Variants in HACD2 observed in about 807,000 individuals in gnomAD.
The protein encoded by HACD2 is 3-hydroxyacyl-CoA dehydratase 2.
HACD2 carries 15 observed loss-of-function variants against 31.0 expected under a neutral mutation model. That is an observed-to-expected ratio of 0.48 (90% CI 0.32 to 0.75). The LOEUF is 0.75. Among genes scored for constraint, HACD2 ranks in the 30% least tolerant of loss-of-function variants. HACD2 has a pLI of 0.03. For synonymous variants in HACD2, 115 were observed against 122.2 expected, an observed-to-expected ratio of 0.94 and a Z score of 0.39; for missense variants, 283 against 313.0, an observed-to-expected ratio of 0.90 and a Z score of 0.72.
intron 3 of HACD2, among the ~76,000 whole-genome samples, chr3:123,541,281 T>C (rs761979519): frequency 6.6e-6 from 1 of 152,094 alleles, no homozygotes; most frequent in Non-Finnish European, 1.5e-5. Flanking sequence ...AAAAAAAAGC[T>C]AAACCCAACC....
At chr3:123,527,303 C>T (rs190851972) in intron 4 of HACD2, among the ~76,000 whole-genome samples, 1 of 152,294 alleles carries the variant, frequency 6.6e-6, no homozygotes, top group African/African-American at 2.4e-5. Flanking sequence ...ACCTGGTCAA[C>T]CACAGTCCAA....
intron 4 of HACD2, among the ~76,000 whole-genome samples, chr3:123,522,986 C>T (rs1476254999): frequency 1.3e-5 from 2 of 152,158 alleles, no homozygotes; most frequent in African/African-American, 4.8e-5. Context: ...TAAGAAGCTG[C>T]CTTTCTGCCT....
chr3:123,516,639 A>T, intron 4 of HACD2, among the ~76,000 whole-genome samples: 1 of 152,212 alleles, frequency 6.6e-6, no homozygotes, highest in Non-Finnish European at 1.5e-5. Flanking sequence ...ATAATGGACT[A>T]GTTAAATGTT....
Position 123,584,899 on chromosome 3 carries a change from G to A in HACD2, c.129C>T (p.Val43=). Residue 43 remains valine (V), a synonymous_variant, in exon 1 of 7, where the codon GTC becomes GTT. Transcript: ENST00000383657. Reference sequence around the variant, plus strand: ...CGGCTGTCATCACCACATTGTAGATGACCAGGTACGCCGTGGCCAGGGGCC... The same window carrying A: ...CGGCTGTCATCACCACATTGTAGATAACCAGGTACGCCGTGGCCAGGGGCC... ...GPGPLATAYL[V]IYNVVMTAGW... 6.6e-7 allele frequency: 1 copy of A among 1,525,928 alleles called. No individual in the cohort carries two copies. The highest frequency in any genetic ancestry group is 8.8e-7 in the Non-Finnish European group (1 of 1,136,564). 94.5% of individuals were successfully genotyped at this position (1,525,928 alleles called of 1,614,324 possible). A position where few individuals can be genotyped will look rare whatever the true frequency, so the allele number is the denominator to read the frequency against.
chr3:123,556,861 T>C (rs1380531698), intron 3 of HACD2, among the ~76,000 whole-genome samples: 1 of 152,200 alleles, frequency 6.6e-6, no homozygotes, highest in Non-Finnish European at 1.5e-5. Flanking sequence ...CCATAGCATT[T>C]GTCATTAGAG....
chr3:123,524,559 A>G (rs1174842838), intron 4 of HACD2, among the ~76,000 whole-genome samples: 2 of 152,212 alleles, frequency 1.3e-5, no homozygotes, highest in Non-Finnish European at 2.9e-5. Context: ...GCATGGTGGA[A>G]CTGTTGAGGA....
At chr3:123,544,061 A>G (rs1433050065) in intron 3 of HACD2, among the ~76,000 whole-genome samples, 3 of 152,206 alleles carry the variant, frequency 2.0e-5, no homozygotes, top group Non-Finnish European at 4.4e-5. Context: ...CACAGATGTT[A>G]AAAGTACAAA....
chr3:123,558,754 C>T (rs978725843), intron 3 of HACD2, among the ~76,000 whole-genome samples: 2 of 152,168 alleles, frequency 1.3e-5, no homozygotes, highest in African/African-American at 4.8e-5. Context: ...AAGCATAAAT[C>T]AAATTATTCT....
intron 3 of HACD2, among the ~76,000 whole-genome samples, chr3:123,529,213 G>C (rs2056321669): frequency 6.6e-6 from 1 of 152,090 alleles, no homozygotes; most frequent in African/African-American, 2.4e-5. Context: ...TGATTCTTGT[G>C]CCTCAGCCTC....
intron 4 of HACD2, among the ~76,000 whole-genome samples, chr3:123,507,489 T>C (rs2055992046): frequency 6.6e-6 from 1 of 152,214 alleles, no homozygotes. Flanking sequence ...AACATCATGT[T>C]GAATGAAAGA....
chr3:123,573,793 G>T (rs1481707320), intron 2 of HACD2, among the ~76,000 whole-genome samples: 1 of 152,082 alleles, frequency 6.6e-6, no homozygotes, highest in Non-Finnish European at 1.5e-5. Flanking sequence ...AATTTTTAAG[G>T]ACGAAATAGG....
chr3:123,494,275 A>G lies in HACD2; in HGVS notation c.*613T>C. The G allele has an allele frequency of 6.5e-6, 1 of 152,908 alleles. No homozygotes were observed. The allele number at this position is 152,908 out of a possible 1,614,324, so 9.5% of individuals were successfully genotyped here. ...AATGACTCAATTGGAAACAAACAAAAGGGTTCTAAGTTGTTTTCTGATTAC... is the reference window on the plus strand; with the variant it reads ...AATGACTCAATTGGAAACAAACAAAGGGGTTCTAAGTTGTTTTCTGATTAC... On this transcript the variant is annotated 3_prime_UTR_variant, in exon 7 of 7. Coordinates refer to ENST00000383657, the MANE Select transcript of HACD2 (RefSeq NM_198402.5).
intron 3 of HACD2, among the ~76,000 whole-genome samples, chr3:123,563,636 A>AT (rs2056757967): frequency 1.1e-5 from 1 of 90,810 alleles, no homozygotes; most frequent in Admixed American, 1.2e-4. Context: ...TTGACAAAAA[A>AT]ATATATATAC....
At chr3:123,551,287 G>A (rs2056617062) in intron 3 of HACD2, among the ~76,000 whole-genome samples, 1 of 152,074 alleles carries the variant, frequency 6.6e-6, no homozygotes. Context: ...TCAGTGCTTT[G>A]TCAGTGCCAC....
At chr3:123,574,252 G>T (rs1317308111) in intron 2 of HACD2, among the ~76,000 whole-genome samples, 1 of 152,128 alleles carries the variant, frequency 6.6e-6, no homozygotes, top group African/African-American at 2.4e-5. Context: ...TTCAGCTTCT[G>T]CTCCGAAATC....
intron 2 of HACD2, among the ~76,000 whole-genome samples, chr3:123,572,441 G>A (rs1455350956): frequency 1.3e-5 from 2 of 152,176 alleles, no homozygotes; most frequent in Non-Finnish European, 2.9e-5. Context: ...CCAAGAGGTT[G>A]AGGCTGCAAT....
chr3:123,564,039 G>A (rs906989192), intron 3 of HACD2, among the ~76,000 whole-genome samples: 1 of 152,236 alleles, frequency 6.6e-6, no homozygotes, highest in African/African-American at 2.4e-5. Flanking sequence ...CCTGATGACT[G>A]CCTGGCTACA....
At chr3:123,567,972 G>C (rs2056810512) in intron 2 of HACD2, among the ~76,000 whole-genome samples, 192 bp from the exon 3 acceptor site, 1 of 152,080 alleles carries the variant, frequency 6.6e-6, no homozygotes, top group Middle Eastern at 3.2e-3. Context: ...GTTCAGTTTT[G>C]TTTGTTTGTT....
At chr3:123,584,632 C>G (rs1311205909) in intron 1 of HACD2, 20 of 341,916 alleles carry the variant, frequency 5.8e-5, no homozygotes, top group Non-Finnish European at 1.0e-4. Flanking sequence ...GGCAGCCGTC[C>G]CCGCGCCCCA....
Sources: gnomAD v4.1 joint callset for allele counts (sites outside exome capture counted in the v4.1 genomes callset) on GRCh38, gnomAD v4.1.1 for gene constraint, MANE v1.5 for transcripts, NCBI Gene and HGNC (gene_info 2026-07-23, HGNC 2026-07-21) for gene names.